The following KLF12 variants were observed in gnomAD, a reference collection of about 807,000 sequenced individuals.
KLF12 encodes KLF transcription factor 12, also known as Krueppel-like factor 12.
KLF12 carries 9 observed loss-of-function variants against 37.8 expected under a neutral mutation model. The observed-to-expected ratio is 0.24, with a 90% confidence interval of 0.14 to 0.42. The LOEUF (loss-of-function observed/expected upper bound fraction) is 0.42, where lower values mean the gene tolerates loss of function less well. KLF12 is among the 10% of genes least tolerant of loss of function. The pLI is 1.00. For missense variants in KLF12, 411 were observed against 516.0 expected (o/e 0.80, Z 1.97); for synonymous variants, 208 against 202.1 (o/e 1.03, Z -0.25).
chr13:74,183,288 A>G, the KLF12 span, among the ~76,000 whole-genome samples: 2 of 152,184 alleles, frequency 1.3e-5, no homozygotes, highest in South Asian at 2.1e-4. Flanking sequence ...AGTGCTCAAA[A>G]GCCACATGAA....
chr13:73,873,669 T>C (rs1886577862), intron 3 of KLF12, among the ~76,000 whole-genome samples: 1 of 152,216 alleles, frequency 6.6e-6, no homozygotes, highest in Admixed American at 6.5e-5. Context: ...GTGAACTATT[T>C]TATTTAAAAA....
chr13:73,785,593 T>C (rs897180634), intron 5 of KLF12, among the ~76,000 whole-genome samples: 1 of 151,886 alleles, frequency 6.6e-6, no homozygotes, highest in African/African-American at 2.4e-5. Flanking sequence ...CAAACTTATA[T>C]ACCAAATCTC....
At chr13:74,214,994 A>G in the KLF12 span, among the ~76,000 whole-genome samples, 1 of 152,002 alleles carries the variant, frequency 6.6e-6, no homozygotes, top group Non-Finnish European at 1.5e-5. Context: ...GGGTTTCACC[A>G]TGTTGGCCAG....
chr13:74,133,491 T>C (rs1183601716), intron 1 of KLF12, among the ~76,000 whole-genome samples: 1 of 151,994 alleles, frequency 6.6e-6, no homozygotes, highest in Non-Finnish European at 1.5e-5. Context: ...GAAACCTCCT[T>C]CTTTCTTCTC....
At chr13:74,237,636 T>A in the KLF12 span, among the ~76,000 whole-genome samples, 2 of 150,508 alleles carry the variant, frequency 1.3e-5, no homozygotes, top group African/African-American at 2.5e-5. Flanking sequence ...GGTTTGTAGT[T>A]CTCCTTGAAG....
At chr13:73,892,885 A>G (rs1221496000) in intron 3 of KLF12, among the ~76,000 whole-genome samples, 1 of 152,200 alleles carries the variant, frequency 6.6e-6, no homozygotes, top group Non-Finnish European at 1.5e-5. Context: ...CTCTTTAACC[A>G]TAACTTACTT....
At chr13:74,031,044 A>T (rs973143828) in intron 1 of KLF12, among the ~76,000 whole-genome samples, 20 of 152,124 alleles carry the variant, frequency 1.3e-4, no homozygotes, top group African/African-American at 4.6e-4. Flanking sequence ...ACTGTGCTAT[A>T]TCTCGAACTA....
At chr13:74,281,254 C>T in the KLF12 span, among the ~76,000 whole-genome samples, 4 of 152,076 alleles carry the variant, frequency 2.6e-5, no homozygotes, top group African/African-American at 9.7e-5. Context: ...ATTATACTTG[C>T]TGGGAATGTA....
chr13:74,133,138 T>C, intron 1 of KLF12, among the ~76,000 whole-genome samples: 1 of 152,106 alleles, frequency 6.6e-6, no homozygotes, highest in Non-Finnish European at 1.5e-5. Flanking sequence ...TACACATCAT[T>C]ACGACCAGAG....
chr13:74,241,140 G>C, the KLF12 span, among the ~76,000 whole-genome samples: 148 of 151,986 alleles, frequency 9.7e-4, 1 homozygote, highest in African/African-American at 3.3e-3. Flanking sequence ...TGTCCTTTCT[G>C]TTTGTTAGTT....
intron 1 of KLF12, among the ~76,000 whole-genome samples, chr13:74,015,025 T>A (rs957271441): frequency 2.6e-5 from 4 of 152,132 alleles, no homozygotes; most frequent in Non-Finnish European, 5.9e-5. Flanking sequence ...CTTTTCATGA[T>A]CATAGCTGGA....
chr13:74,098,994 A>G (rs189124043), intron 1 of KLF12, among the ~76,000 whole-genome samples: 13 of 152,280 alleles, frequency 8.5e-5, no homozygotes, highest in African/African-American at 2.9e-4. Flanking sequence ...GAGCTATTTT[A>G]TGACTCATTT....
chr13:73,766,024 C>CT (rs2138083372), intron 5 of KLF12, among the ~76,000 whole-genome samples: 1 of 152,350 alleles, frequency 6.6e-6, no homozygotes, highest in South Asian at 2.1e-4. Flanking sequence ...TAAGGGCCAA[C>CT]TGCAGTCTTT....
chr13:73,788,456 C>T (rs1360595130), intron 5 of KLF12, among the ~76,000 whole-genome samples: 1 of 151,922 alleles, frequency 6.6e-6, no homozygotes, highest in Non-Finnish European at 1.5e-5. Context: ...AATATACCTA[C>T]CTCTCAAATG....
At chr13:73,858,896 A>C (rs1232833557) in intron 3 of KLF12, among the ~76,000 whole-genome samples, 2 of 152,246 alleles carry the variant, frequency 1.3e-5, no homozygotes. Context: ...TGAAAAAGTA[A>C]ATGTTCAAAT....
chr13:73,848,100 G>A (rs188274275), intron 3 of KLF12, among the ~76,000 whole-genome samples: 37 of 152,208 alleles, frequency 2.4e-4, no homozygotes, highest in African/African-American at 8.2e-4. Flanking sequence ...ATATAGTCTA[G>A]GTAAGTTTTT....
chr13:74,297,797 T>C, the KLF12 span, among the ~76,000 whole-genome samples: 1 of 152,246 alleles, frequency 6.6e-6, no homozygotes, highest in African/African-American at 2.4e-5. Flanking sequence ...TAAACATATG[T>C]TGAGTGAATT....
intron 6 of KLF12, among the ~76,000 whole-genome samples, chr13:73,736,095 T>C (rs942264998): frequency 2.6e-5 from 4 of 152,128 alleles, no homozygotes; most frequent in Admixed American, 2.6e-4. Flanking sequence ...TATGCTTGCA[T>C]CAAGATGAAT....
chr13:74,196,125 G>C, the KLF12 span, among the ~76,000 whole-genome samples: 1 of 152,114 alleles, frequency 6.6e-6, no homozygotes, highest in African/African-American at 2.4e-5. Flanking sequence ...TATTTATTTA[G>C]AGAGCACACA....
Sources: gnomAD v4.1 joint callset for allele counts (sites outside exome capture counted in the v4.1 genomes callset) on GRCh38, gnomAD v4.1.1 for gene constraint, MANE v1.5 for transcripts, NCBI Gene and HGNC (gene_info 2026-07-23, HGNC 2026-07-21) for gene names.